Variants in CTNNA3 observed in about 807,000 individuals in gnomAD.
CTNNA3 encodes the protein catenin alpha 3.
CTNNA3 carries 76 observed loss-of-function variants against 95.7 expected under a neutral mutation model. The observed-to-expected ratio is 0.79, with a 90% CI of 0.66 to 0.96. CTNNA3 has a LOEUF of 0.96. Among genes scored for constraint, CTNNA3 ranks in the 40% least tolerant of loss-of-function variants. The pLI is 0.00. For missense variants in CTNNA3, 1,191 were observed against 1,089.8 expected (o/e 1.09, Z -1.31); for synonymous variants, 431 against 374.4 (o/e 1.15, Z -1.74).
intron 7 of CTNNA3, chr10:66,926,148 T>C: frequency 2.2e-6 from 1 of 460,548 alleles, no homozygotes. Context: ...CTGAACTGGG[T>C]GCTCATCACG....
chr10:67,132,693 G>T (rs1276318013), intron 7 of CTNNA3, among the ~76,000 whole-genome samples: 1 of 151,746 alleles, frequency 6.6e-6, no homozygotes, highest in Non-Finnish European at 1.5e-5. Flanking sequence ...CAGACGAATG[G>T]ATAAAAAAAA....
intron 9 of CTNNA3, among the ~76,000 whole-genome samples, chr10:66,729,353 A>C (rs895886343): frequency 6.6e-6 from 1 of 152,262 alleles, no homozygotes; most frequent in Non-Finnish European, 1.5e-5. Context: ...TGCAGGTGAG[A>C]GTGCAAATTA....
chr10:66,057,479 G>T (rs996915888), intron 15 of CTNNA3, among the ~76,000 whole-genome samples: 6 of 152,062 alleles, frequency 3.9e-5, no homozygotes, highest in African/African-American at 1.4e-4. Flanking sequence ...CTGAATGTTT[G>T]CTCATTACTT....
intron 3 of CTNNA3, among the ~76,000 whole-genome samples, chr10:67,598,848 T>A (rs533825914): frequency 6.6e-6 from 1 of 151,898 alleles, no homozygotes; most frequent in Non-Finnish European, 1.5e-5. Context: ...AAAAATCTCA[T>A]AAAAGAGAAA....
intron 7 of CTNNA3, among the ~76,000 whole-genome samples, chr10:66,876,872 C>A (rs1348982886): frequency 6.6e-6 from 1 of 152,120 alleles, no homozygotes; most frequent in Non-Finnish European, 1.5e-5. Flanking sequence ...CTGTGACATG[C>A]AAACTCTGGA....
chr10:67,389,337 G>T (rs556967553), intron 5 of CTNNA3, among the ~76,000 whole-genome samples: 321 of 150,366 alleles, frequency 2.1e-3, no homozygotes, highest in Non-Finnish European at 4.1e-3. Context: ...ATGGTAAAGG[G>T]ATCAATTCAA....
chr10:67,473,838 A>G (rs1246737963), intron 5 of CTNNA3, among the ~76,000 whole-genome samples: 1 of 152,240 alleles, frequency 6.6e-6, no homozygotes, highest in Non-Finnish European at 1.5e-5. Flanking sequence ...GAGGATGTGT[A>G]TAGGCTATGT....
chr10:66,313,768 T>C (rs999280410), intron 12 of CTNNA3, among the ~76,000 whole-genome samples: 8 of 152,200 alleles, frequency 5.3e-5, no homozygotes, highest in Non-Finnish European at 1.2e-4. Flanking sequence ...TGAATGAATA[T>C]ATGCAGTAAA....
intron 7 of CTNNA3, among the ~76,000 whole-genome samples, chr10:66,811,298 A>G (rs1431926945): frequency 6.6e-6 from 1 of 152,196 alleles, no homozygotes; most frequent in African/African-American, 2.4e-5. Flanking sequence ...AGCTGCAGGA[A>G]CTTAGATGTT....
intron 5 of CTNNA3, among the ~76,000 whole-genome samples, chr10:67,493,974 T>C (rs1490770165): frequency 6.6e-6 from 1 of 152,082 alleles, no homozygotes; most frequent in East Asian, 1.9e-4. Context: ...AAGTTGACAG[T>C]AAAGGCAAAA....
chr10:66,674,433 T>C (rs1387698429), intron 9 of CTNNA3, among the ~76,000 whole-genome samples: 7 of 152,046 alleles, frequency 4.6e-5, no homozygotes, highest in Non-Finnish European at 7.4e-5. Context: ...GTTAGCACTT[T>C]CCTAGCTATT....
At chr10:67,056,397 C>T (rs971250177) in intron 7 of CTNNA3, among the ~76,000 whole-genome samples, 3 of 152,094 alleles carry the variant, frequency 2.0e-5, no homozygotes, top group African/African-American at 4.8e-5. Flanking sequence ...CAGGAATGCT[C>T]GTACTACCCA....
intron 5 of CTNNA3, among the ~76,000 whole-genome samples, chr10:67,281,720 C>T (rs1041604647): frequency 1.3e-5 from 2 of 152,062 alleles, no homozygotes; most frequent in African/African-American, 4.8e-5. Flanking sequence ...GGGACAATCA[C>T]TTGTATTATA....
At chr10:67,419,755 T>G (rs1393633454) in intron 5 of CTNNA3, among the ~76,000 whole-genome samples, 2 of 152,236 alleles carry the variant, frequency 1.3e-5, no homozygotes, top group African/African-American at 4.8e-5. Flanking sequence ...TGATTAAAAT[T>G]TATTCTTTTG....
At chr10:67,647,144 AATTATATATATATATATATATATATAT>A (rs1159828073) in intron 2 of CTNNA3, among the ~76,000 whole-genome samples, 10 of 80,062 alleles carry the variant, frequency 1.2e-4, no homozygotes, top group African/African-American at 3.2e-4. Context: ...GTACTCTGAA[AATTATATATATATATATATATATATAT>A]ATATATTATT....
At chr10:66,474,934 T>C (rs1839270142) in intron 11 of CTNNA3, among the ~76,000 whole-genome samples, 1 of 152,030 alleles carries the variant, frequency 6.6e-6, no homozygotes, top group Non-Finnish European at 1.5e-5. Context: ...TGCTATTGAG[T>C]TCAGTTGAGT....
At chr10:66,963,498 A>G (rs1849235176) in intron 7 of CTNNA3, among the ~76,000 whole-genome samples, 2 of 152,184 alleles carry the variant, frequency 1.3e-5, no homozygotes, top group South Asian at 4.1e-4. Context: ...TGAGCAAATA[A>G]TAGTGTACTT....
At chr10:66,740,788 C>A (rs1282563617) in intron 9 of CTNNA3, among the ~76,000 whole-genome samples, 1 of 152,152 alleles carries the variant, frequency 6.6e-6, no homozygotes, top group East Asian at 1.9e-4. Context: ...CCTTGTTTAA[C>A]CCTTCATTCA....
intron 7 of CTNNA3, among the ~76,000 whole-genome samples, chr10:67,002,154 A>T (rs12265963): frequency 1.2e-4 from 19 of 152,210 alleles, no homozygotes; most frequent in Non-Finnish European, 2.5e-4. Context: ...GATTCAATTC[A>T]CTAATTTCCC....
Sources: allele counts gnomAD v4.1 joint callset (sites outside exome capture counted in the v4.1 genomes callset), GRCh38; gene constraint gnomAD v4.1.1; transcripts MANE v1.5; gene names NCBI Gene and HGNC (gene_info 2026-07-23, HGNC 2026-07-21).